CHODL: variants seen among roughly 807,000 people sequenced by gnomAD.
CHODL encodes chondrolectin, also known as transmembrane protein MT75.
In CHODL, 29 loss-of-function variants were observed where a neutral mutation model predicts 34.5. The observed-to-expected ratio is 0.84, with a 90% CI of 0.63 to 1.15. CHODL has a LOEUF of 1.15. Among genes scored for constraint, CHODL ranks in the 50% most tolerant of loss-of-function variants. The probability of loss-of-function intolerance (pLI) is 0.00; values close to 1 mark genes in which losing one functional copy is unlikely to be tolerated. For missense variants in CHODL, 332 were observed against 332.5 expected (o/e 1.00, Z 0.01); for synonymous variants, 125 against 116.1 (o/e 1.08, Z -0.49).
chr21:18,140,205 G>A (rs1316573574), intron 2 of CHODL, among the ~76,000 whole-genome samples: 2 of 152,150 alleles, frequency 1.3e-5, no homozygotes, highest in African/African-American at 2.4e-5. Flanking sequence ...ATTTGAAAAC[G>A]TGGATAATTT....
intron 1 of CHODL, among the ~76,000 whole-genome samples, chr21:17,993,053 C>T (rs1233662224): frequency 2.0e-5 from 3 of 152,158 alleles, no homozygotes; most frequent in Admixed American, 6.5e-5. Context: ...TCCATTTCCT[C>T]GTCTGGTTAG....
At chr21:18,138,687 T>C (rs2146606622) in intron 2 of CHODL, among the ~76,000 whole-genome samples, 2 of 152,316 alleles carry the variant, frequency 1.3e-5, no homozygotes, top group South Asian at 4.2e-4. Context: ...CCTGCTGCTC[T>C]TTCTGGAACT....
At chr21:18,220,212 T>A (rs1350888427) in intron 2 of CHODL, among the ~76,000 whole-genome samples, 1 of 152,194 alleles carries the variant, frequency 6.6e-6, no homozygotes, top group African/African-American at 2.4e-5. Context: ...GCAGTCTATG[T>A]GTGTCTTTAC....
At chr21:17,988,931 G>C (rs2063776299) in intron 1 of CHODL, among the ~76,000 whole-genome samples, 1 of 152,032 alleles carries the variant, frequency 6.6e-6, no homozygotes, top group African/African-American at 2.4e-5. Context: ...GGATGGCTGG[G>C]TCAAATGGTA....
chr21:17,957,887 T>C (rs560697594), intron 1 of CHODL, among the ~76,000 whole-genome samples: 279 of 151,928 alleles, frequency 1.8e-3, no homozygotes, highest in Admixed American at 4.2e-3. Flanking sequence ...GGCAGCCTTT[T>C]TTTTTTCTTT....
chr21:18,058,902 T>C (rs558610286), intron 2 of CHODL, among the ~76,000 whole-genome samples: 96 of 152,274 alleles, frequency 6.3e-4, no homozygotes, highest in South Asian at 4.6e-3. Flanking sequence ...TCCCCTTGTT[T>C]TGTACTCTCC....
At chr21:18,173,804 T>C (rs1242213716) in intron 2 of CHODL, among the ~76,000 whole-genome samples, 1 of 151,874 alleles carries the variant, frequency 6.6e-6, no homozygotes, top group African/African-American at 2.4e-5. Flanking sequence ...GTGTTTTATA[T>C]GAGGAGCAAT....
chr21:17,953,370 G>A (rs2063473494), intron 1 of CHODL, among the ~76,000 whole-genome samples: 1 of 152,100 alleles, frequency 6.6e-6, no homozygotes, highest in African/African-American at 2.4e-5. Context: ...AGGAGGCTGA[G>A]GCAAGAGTAT....
upstream of CHODL, among the ~76,000 whole-genome samples, chr21:18,242,222 G>T (rs1401496269): frequency 6.6e-6 from 1 of 152,026 alleles, no homozygotes; most frequent in Non-Finnish European, 1.5e-5. Flanking sequence ...TAGTTAATTT[G>T]GAACTAAAAT....
At chr21:18,132,002 A>C (rs1400705957) in intron 2 of CHODL, among the ~76,000 whole-genome samples, 1 of 152,150 alleles carries the variant, frequency 6.6e-6, no homozygotes, top group Non-Finnish European at 1.5e-5. Flanking sequence ...CTTGCTTTAC[A>C]TCAATACAGA....
rs531737884 is a variant in CHODL, at chr21:18,131,737, C to G, written c.-45+103766C>G. Among the ~76,000 whole-genome samples the G allele has an allele frequency of 6.6e-5, 10 of 152,238 alleles. No individual in the cohort carries two copies. In the South Asian group the frequency reaches 1.9e-3, roughly 28 times the overall value. On this transcript the variant is annotated intron_variant, in intron 2 of 6. Coordinates refer to the CHODL transcript ENST00000400127. ...CTTGTTGTATAGATGACAGAAAGAG[C>G]CTTGTAGCTGGTCTTTCTGTTTTCA... is the stretch of plus-strand genomic sequence containing the variant.
At chr21:18,108,314 T>C (rs1354498402) in intron 2 of CHODL, among the ~76,000 whole-genome samples, 1 of 152,184 alleles carries the variant, frequency 6.6e-6, no homozygotes, top group Non-Finnish European at 1.5e-5. Context: ...CTCCCATGAA[T>C]AGATGGAATT....
intron 1 of CHODL, among the ~76,000 whole-genome samples, chr21:18,254,503 A>G (rs2074293542): frequency 6.6e-6 from 1 of 152,122 alleles, no homozygotes; most frequent in Non-Finnish European, 1.5e-5. Flanking sequence ...TTGACAGCAG[A>G]GAGCAGAGGT....
intron 2 of CHODL, among the ~76,000 whole-genome samples, chr21:18,068,613 C>G (rs563515191): frequency 6.6e-6 from 1 of 152,132 alleles, no homozygotes. Flanking sequence ...AAAGTGCTCT[C>G]GTAGATGTTC....
At chr21:17,958,331 ATGT>A (rs2063508082) in intron 1 of CHODL, among the ~76,000 whole-genome samples, 1 of 152,076 alleles carries the variant, frequency 6.6e-6, no homozygotes. Context: ...CTTCACATTC[ATGT>A]AAACTGTAAA....
chr21:18,071,240 G>A (rs1012956198), intron 2 of CHODL, among the ~76,000 whole-genome samples: 4 of 148,310 alleles, frequency 2.7e-5, no homozygotes, highest in Non-Finnish European at 4.4e-5. Flanking sequence ...TCTGCTTTCC[G>A]GGTTCAAATG....
At chr21:18,081,100 T>C (rs751665797) in intron 2 of CHODL, among the ~76,000 whole-genome samples, 1 of 152,212 alleles carries the variant, frequency 6.6e-6, no homozygotes, top group African/African-American at 2.4e-5. Flanking sequence ...TTATAACTAG[T>C]GTAAATGGAA....
intron 1 of CHODL, among the ~76,000 whole-genome samples, chr21:17,930,835 G>A (rs1300944430): frequency 6.6e-6 from 1 of 152,176 alleles, no homozygotes; most frequent in Non-Finnish European, 1.5e-5. Context: ...AAGCAGCAGT[G>A]TTCCTACACT....
chr21:17,979,418 A>G (rs1217317464), intron 1 of CHODL, among the ~76,000 whole-genome samples: 1 of 152,146 alleles, frequency 6.6e-6, no homozygotes, highest in Non-Finnish European at 1.5e-5. Context: ...AAAAGCTTCC[A>G]TTTGTGGTGT....
Sources: allele counts gnomAD v4.1 joint callset (sites outside exome capture counted in the v4.1 genomes callset), GRCh38; gene constraint gnomAD v4.1.1; transcripts MANE v1.5; gene names NCBI Gene and HGNC (gene_info 2026-07-23, HGNC 2026-07-21).